The following INO80D variants were observed in gnomAD, a reference collection of about 807,000 sequenced individuals.
INO80D encodes the protein INO80 complex subunit D.
Under a neutral mutation model 87.6 loss-of-function variants are expected in INO80D, and 21 were observed. That is an observed-to-expected ratio of 0.24 (90% confidence interval 0.17 to 0.35). The LOEUF is 0.35. Among genes scored for constraint, INO80D ranks in the 10% least tolerant of loss-of-function variants. The pLI is 1.00. For missense variants in INO80D, 982 were observed against 1,280.7 expected (o/e 0.77, Z 3.56); for synonymous variants, 440 against 491.0 (o/e 0.90, Z 1.37).
At chr2:206,013,929 C>T (rs1028127098) in intron 8 of INO80D, among the ~76,000 whole-genome samples, 2 of 151,060 alleles carry the variant, frequency 1.3e-5, no homozygotes, top group Admixed American at 6.6e-5. Flanking sequence ...GAGACCAAGC[C>T]GGGTGGATCA....
chr2:206,078,236 G>A (rs1690176968), intron 1 of INO80D, among the ~76,000 whole-genome samples: 1 of 151,862 alleles, frequency 6.6e-6, no homozygotes, highest in Non-Finnish European at 1.5e-5. Context: ...TGGCCAACAT[G>A]GCGAAACCCT....
At chr2:206,057,423 G>C (rs1263699083) in intron 3 of INO80D, among the ~76,000 whole-genome samples, 3 of 152,164 alleles carry the variant, frequency 2.0e-5, no homozygotes, top group Admixed American at 2.0e-4. Flanking sequence ...CACATATACA[G>C]AGAGAGACAG....
At chr2:206,017,651 A>G (rs1329678015) in intron 8 of INO80D, 29 bp downstream of exon 8, 1 of 1,523,528 alleles carries the variant, frequency 6.6e-7, no homozygotes, top group Admixed American at 2.3e-5. Context: ...AGCTACAAAA[A>G]GTTTGAAAGC....
Position 206,004,946 on chromosome 2 carries a change from G to C in INO80D, c.2506C>G (p.Pro836Ala). 1 of 1,614,018 alleles carries C rather than the reference G, an allele frequency of 6.2e-7. No individual in the cohort carries two copies. Among genetic ancestry groups the C allele is most frequent in the Non-Finnish European group, 8.5e-7 (1 of 1,179,888 alleles). ...GTGATATGGTCACTGTAGGGAGACG[G>C]CACATGCTCACTATCATAATGGCTT... ...HGSHYDSEHV[P>A]SPYSDHITSP... Residue 836 changes from proline to alanine, a missense_variant, in exon 11 of 11, where the codon CCG becomes GCG. Coordinates refer to ENST00000403263, the MANE Select transcript of INO80D (RefSeq NM_017759.5). The surrounding 1 kb of genome is among the most constrained non-coding windows in gnomAD (Gnocchi z 4.9).
At position 205,999,929 on chromosome 2, in the gene INO80D, C is replaced by T. The variant is rs541585882; in HGVS notation, c.*4439G>A. ...GTGAAGATTCAGTTAATGTATTGGG[C>T]GGGGGGAAACATCTATGTTCTTTCA... On this transcript the variant is annotated 3_prime_UTR_variant, in exon 11 of 11. Transcript: ENST00000403263. The T allele has an allele frequency of 4.6e-5, 7 of 151,784 alleles. No individual in the cohort carries two copies. The highest frequency in any genetic ancestry group is 3.9e-4 in the East Asian group (2 of 5,166). The allele number at this position is 151,784 out of a possible 1,614,324, so 9.4% of individuals were successfully genotyped here.
Position 206,005,315 on chromosome 2 carries a change from G to T in INO80D, c.2137C>A (p.Leu713Ile), listed in dbSNP as rs1022284383. The T allele has an allele frequency of 1.9e-6, 3 of 1,613,866 alleles. No individual in the cohort carries two copies. The highest frequency in any genetic ancestry group is 1.7e-5 in the Admixed American group (1 of 60,002). ...QSLSREVNTD[L>I]GELLNGRIVH... ...ATACGCCCATTCAATAGCTCCCCTA[G>T]GTCTGTGTTCACCTCTCGGCTCAAG... The change falls in exon 11 of 11, where the codon CTA becomes ATA. Residue 713 changes from leucine to isoleucine, a missense_variant. Physicochemically the swap from Leu to Ile is conservative, Grantham distance 5. Transcript: ENST00000403263.
At chr2:206,074,673 C>T (rs1195778078) in intron 1 of INO80D, among the ~76,000 whole-genome samples, 2 of 152,076 alleles carry the variant, frequency 1.3e-5, no homozygotes, top group African/African-American at 2.4e-5. Flanking sequence ...GGCATGGCGG[C>T]TCACGCCTGT....
At chr2:206,017,619 T>A in intron 8 of INO80D, 61 bp downstream of exon 8, 2 of 1,378,208 alleles carry the variant, frequency 1.5e-6, no homozygotes, top group Non-Finnish European at 1.9e-6. Context: ...TGCTAAGTTA[T>A]AAAATACTTC....
chr2:206,056,095 C>T, intron 4 of INO80D, 103 bp downstream of exon 4: 1 of 1,125,798 alleles, frequency 8.9e-7, no homozygotes. Context: ...CATTGTGATT[C>T]CACCCCCATC....
intron 6 of INO80D, among the ~76,000 whole-genome samples, chr2:206,024,610 T>C (rs1688552992): frequency 6.6e-6 from 1 of 152,134 alleles, no homozygotes; most frequent in Non-Finnish European, 1.5e-5. Flanking sequence ...ATGTGAGATA[T>C]GCAACTGAAA....
rs913728660 is a variant in INO80D at position 206,003,587 on chromosome 2, G to T, written c.*781C>A. 2 of 152,202 alleles carry T rather than the reference G, an allele frequency of 1.3e-5. No homozygotes were observed. Among genetic ancestry groups the T allele is most frequent in the Admixed American group, 6.5e-5 (1 of 15,276 alleles). The allele number at this position is 152,202 out of a possible 1,614,324, so 9.4% of individuals were successfully genotyped here. On this transcript the variant is annotated 3_prime_UTR_variant, in exon 11 of 11. Coordinates refer to ENST00000403263, the MANE Select transcript of INO80D (RefSeq NM_017759.5). The stretch of plus-strand genomic sequence containing the variant: ...TTGGGCTAACTTTTAGCAGAAAAAG[G>T]TTGTGCTACTCACACGACCAGTCCA...
chr2:206,049,008 A>G (rs1263275947), intron 4 of INO80D, among the ~76,000 whole-genome samples: 1 of 152,224 alleles, frequency 6.6e-6, no homozygotes, highest in Non-Finnish European at 1.5e-5. Flanking sequence ...TAATATATCC[A>G]TACCTCTATG....
chr2:206,044,194 A>T (rs962424565), intron 5 of INO80D, among the ~76,000 whole-genome samples: 1 of 152,126 alleles, frequency 6.6e-6, no homozygotes, highest in African/African-American at 2.4e-5. Flanking sequence ...CTCGTCTCAA[A>T]GAATTAATTA....
At chr2:206,020,832 CAT>C (rs1688444208) in intron 6 of INO80D, among the ~76,000 whole-genome samples, 1 of 151,914 alleles carries the variant, frequency 6.6e-6, no homozygotes, top group Non-Finnish European at 1.5e-5. Context: ...TTTACACAAA[CAT>C]ATAAAAACAC....
chr2:206,071,352 G>GGATT (rs1689966753), intron 1 of INO80D, among the ~76,000 whole-genome samples: 1 of 116,910 alleles, frequency 8.6e-6, no homozygotes, highest in South Asian at 3.3e-4. Context: ...TGCCCAAGCT[G>GGATT]GATTGAACTC....
intron 1 of INO80D, among the ~76,000 whole-genome samples, chr2:206,068,865 A>G (rs1290310812): frequency 6.6e-6 from 1 of 151,818 alleles, no homozygotes; most frequent in African/African-American, 2.4e-5. Flanking sequence ...ACACAGTGCT[A>G]ATTTTCTGTA....
chr2:206,001,079 CTACT>C lies in INO80D; in HGVS notation c.*3285_*3288del, dbSNP rs1384933963. 2.0e-5 allele frequency: 3 copies of C among 152,132 alleles called. No individual in the cohort carries two copies. The highest frequency in any genetic ancestry group is 7.2e-5 in the African/African-American group (3 of 41,440). 9.4% of individuals were successfully genotyped at this position (152,132 alleles called of 1,614,324 possible). On this transcript the variant is annotated 3_prime_UTR_variant, in exon 11 of 11. Transcript: ENST00000403263. ...TCACTTGGTGGGTTAAGTATAATTG[CTACT>C]TACTATTGAGTTGTTTACTAGCTAC...
chr2:206,019,292 T>C lies in INO80D; in HGVS notation c.1408+444A>G, dbSNP rs555595151. On this transcript the variant is annotated intron_variant, in intron 7 of 10. Coordinates refer to ENST00000403263, the MANE Select transcript of INO80D (RefSeq NM_017759.5). ...AGTGATGTTTGTTACCTTTCATTCA[T>C]TTCAAATCAGCACTGTACTCATTAA... Among the ~76,000 whole-genome samples, 4 of 152,344 alleles carry C rather than the reference T, an allele frequency of 2.6e-5. No homozygotes were observed. In the South Asian group the frequency reaches 6.2e-4, roughly 24 times the overall value.
At chr2:206,068,617 T>C (rs797009095) in intron 1 of INO80D, among the ~76,000 whole-genome samples, 3 of 152,362 alleles carry the variant, frequency 2.0e-5, no homozygotes, top group African/African-American at 7.2e-5. Context: ...TAACATGTTA[T>C]TTGTTGATCC....
Sources: allele counts gnomAD v4.1 joint callset (sites outside exome capture counted in the v4.1 genomes callset), GRCh38; gene constraint gnomAD v4.1.1; non-coding constraint Gnocchi (gnomAD v3.1); transcripts MANE v1.5; gene names NCBI Gene and HGNC (gene_info 2026-07-23, HGNC 2026-07-21).